NUP214: variants seen among roughly 807,000 people sequenced by gnomAD.
NUP214 encodes nuclear pore complex protein Nup214.
In NUP214, 79 loss-of-function variants were observed where a neutral mutation model predicts 196.2. The ratio of observed to expected loss-of-function variants is 0.40; its 90% CI spans 0.34 to 0.49. The LOEUF (loss-of-function observed/expected upper bound fraction) is 0.49, where lower values mean the gene tolerates loss of function less well. NUP214 is among the 20% of genes least tolerant of loss of function. The pLI, the probability that NUP214 is intolerant of heterozygous loss-of-function variation, is 0.58. For synonymous variants in NUP214, 1,020 were observed against 990.5 expected (o/e 1.03, Z -0.56); for missense variants, 2,468 against 2,539.0 (o/e 0.97, Z 0.60).
intron 14 of NUP214, among the ~76,000 whole-genome samples, chr9:131,149,702 A>G (rs1832195057): frequency 6.6e-6 from 1 of 152,136 alleles, no homozygotes; most frequent in Non-Finnish European, 1.5e-5. Flanking sequence ...GTAAAACACC[A>G]GTAGTAGCTT....
chr9:131,219,561 C>G (rs548001637), intron 31 of NUP214, among the ~76,000 whole-genome samples: 1 of 152,208 alleles, frequency 6.6e-6, no homozygotes, highest in Non-Finnish European at 1.5e-5. Context: ...AGAAGGGCTT[C>G]TTCTCTCTGT....
intron 24 of NUP214, among the ~76,000 whole-genome samples, chr9:131,179,451 C>G (rs1833205697): frequency 6.6e-6 from 1 of 152,192 alleles, no homozygotes; most frequent in African/African-American, 2.4e-5. Flanking sequence ...ACCACCATCC[C>G]CTGTGGCAAA....
chr9:131,173,950 A>G (rs905680729), intron 21 of NUP214, 105 bp from the exon 22 acceptor site: 9 of 1,381,722 alleles, frequency 6.5e-6, no homozygotes, highest in African/African-American at 1.5e-5. Flanking sequence ...TAATTAAATC[A>G]TTTTACAAGT....
intron 30 of NUP214, among the ~76,000 whole-genome samples, chr9:131,204,590 T>C (rs776635217): frequency 3.3e-5 from 5 of 152,210 alleles, no homozygotes; most frequent in African/African-American, 4.8e-5. Flanking sequence ...GCCCCTGCGC[T>C]GTAGTTTGCT....
At chr9:131,132,927 C>T in intron 6 of NUP214, 179 bp from the exon 7 acceptor site, 3 of 623,340 alleles carry the variant, frequency 4.8e-6, no homozygotes, top group Non-Finnish European at 5.6e-6. Context: ...AGAAAAATTA[C>T]CATTTGGGGA....
Position 131,230,672 on chromosome 9 carries a change from G to T in NUP214, c.6117G>T (p.Ala2039=). 6.2e-7 allele frequency: 1 copy of T among 1,614,122 alleles called. No individual in the cohort carries two copies. The highest frequency in any genetic ancestry group is 8.5e-7 in the Non-Finnish European group (1 of 1,180,012). ...ACACCACATCCTTCGGCACGCTCGCGAGTCAGAATGCCCCCACTTTCGGAT... is the reference window on the plus strand; with the variant it reads ...ACACCACATCCTTCGGCACGCTCGCTAGTCAGAATGCCCCCACTTTCGGAT... ...SSNTTSFGTL[A]SQNAPTFGSL... The change falls in exon 34 of 36, where the codon GCG becomes GCT. Residue 2039 remains alanine (A), a synonymous_variant. Transcript: ENST00000359428.
Position 131,233,447 on chromosome 9 carries a change from C to T in NUP214, c.6240-7C>T. On this transcript the variant is annotated splice_region_variant and splice_polypyrimidine_tract_variant and intron_variant, in intron 35 of 35. Transcript: ENST00000359428. ...TGACTCCACCACTGTCCTGTGCTTC[C>T]TTGCAGGTCTGTCCAGGGTTTTGGT... 2 of 1,608,674 alleles carry T rather than the reference C, an allele frequency of 1.2e-6. No homozygotes were observed. Among genetic ancestry groups the T allele is most frequent in the Non-Finnish European group, 1.7e-6 (2 of 1,176,974 alleles).
chr9:131,176,498 T>C (rs974110910), intron 23 of NUP214, among the ~76,000 whole-genome samples: 1 of 151,904 alleles, frequency 6.6e-6, no homozygotes, highest in African/African-American at 2.4e-5. Context: ...GGCAAATATT[T>C]AAAAAATTTT....
intron 33 of NUP214, 195 bp from the exon 34 acceptor site, chr9:131,230,435 C>T: frequency 1.7e-6 from 1 of 596,140 alleles, no homozygotes; most frequent in African/African-American, 1.9e-5. Flanking sequence ...TGCCATTTTT[C>T]TTCCTAGAGC....
At chr9:131,222,734 A>G (rs751264464) in intron 31 of NUP214, 44 bp from the exon 32 acceptor site, 1 of 1,588,628 alleles carries the variant, frequency 6.3e-7, no homozygotes, top group Non-Finnish European at 8.6e-7. Context: ...GCAGGTAAGG[A>G]CATTTGTCTC....
intron 14 of NUP214, among the ~76,000 whole-genome samples, chr9:131,148,233 C>T (rs917524706): frequency 2.0e-5 from 3 of 152,190 alleles, no homozygotes; most frequent in African/African-American, 7.2e-5. Flanking sequence ...GCCTGTACCT[C>T]CTATCAAGTG....
At chr9:131,229,004 A>G (rs1834799067) in intron 33 of NUP214, 1 of 152,256 alleles carries the variant, frequency 6.6e-6, no homozygotes, top group Non-Finnish European at 1.5e-5. Flanking sequence ...TAAAAAATGT[A>G]CACGGGATGA....
intron 7 of NUP214, among the ~76,000 whole-genome samples, chr9:131,133,891 G>A (rs1280344204): frequency 1.3e-5 from 2 of 152,098 alleles, no homozygotes; most frequent in African/African-American, 4.8e-5. Context: ...TGAGTATATA[G>A]CAGTGATCAA....
intron 16 of NUP214, 68 bp downstream of exon 16, chr9:131,150,833 T>C: frequency 1.4e-6 from 2 of 1,441,754 alleles, no homozygotes; most frequent in Non-Finnish European, 1.9e-6. Flanking sequence ...TAGTACTCCA[T>C]GGGGTTATGT....
At chr9:131,208,361 G>A (rs1834141072) in intron 30 of NUP214, among the ~76,000 whole-genome samples, 1 of 152,232 alleles carries the variant, frequency 6.6e-6, no homozygotes, top group Admixed American at 6.5e-5. Context: ...TAAACAAAAT[G>A]TGGTATATAC....
At chr9:131,228,419 AC>A in intron 33 of NUP214, 88 bp downstream of exon 33, 1 of 1,345,926 alleles carries the variant, frequency 7.4e-7, no homozygotes, top group Non-Finnish European at 9.9e-7. Flanking sequence ...AAGAAATTTG[AC>A]CATGAGGTGA....
intron 27 of NUP214, among the ~76,000 whole-genome samples, chr9:131,194,356 G>A (rs755559391): frequency 6.6e-6 from 1 of 151,844 alleles, no homozygotes; most frequent in Non-Finnish European, 1.5e-5. Context: ...TTAATTTTTC[G>A]GTTTTGGTTT....
rs56836232 is a variant in NUP214, at chr9:131,130,151, G to GT, written c.593-605dup. Among the ~76,000 whole-genome samples the GT allele has an allele frequency of 1.1e-4, 12 of 109,216 alleles. No individual in the cohort carries two copies. In the South Asian group the frequency reaches 1.6e-3, roughly 15 times the overall value. 71.6% of individuals were successfully genotyped at this position (109,216 alleles called of 152,430 possible). A position where few individuals can be genotyped will look rare whatever the true frequency, so the allele number is the denominator to read the frequency against. On this transcript the variant is annotated intron_variant, in intron 4 of 35. Coordinates refer to ENST00000359428, the MANE Select transcript of NUP214 (RefSeq NM_005085.4). ...TTTCTGGTTTTGTTTTTTTTTTTTTGTTTTTTTTTTGAGACAGAGTCTTGC... is the reference window on the plus strand; with the variant it reads ...TTTCTGGTTTTGTTTTTTTTTTTTTGTTTTTTTTTTTGAGACAGAGTCTTGC...
At chr9:131,194,165 T>TTG (rs1464851596) in intron 27 of NUP214, 5 of 150,028 alleles carry the variant, frequency 3.3e-5, no homozygotes, top group Non-Finnish European at 7.4e-5. Flanking sequence ...AATTTGAACT[T>TTG]TGCGTGTGTG....
Sources: allele counts gnomAD v4.1 joint callset (sites outside exome capture counted in the v4.1 genomes callset), GRCh38; gene constraint gnomAD v4.1.1; transcripts MANE v1.5; gene names NCBI Gene and HGNC (gene_info 2026-07-23, HGNC 2026-07-21).